Variants in PTPRK observed in about 807,000 individuals in gnomAD.
PTPRK encodes the protein protein tyrosine phosphatase receptor type K, also known as receptor-type tyrosine-protein phosphatase kappa.
Under a neutral mutation model 178.0 loss-of-function variants are expected in PTPRK, and 75 were observed. That is an observed-to-expected ratio of 0.42 (90% CI 0.35 to 0.51). The LOEUF (loss-of-function observed/expected upper bound fraction) is 0.51. Ranked by LOEUF, PTPRK falls within the 20% of genes least tolerant of loss-of-function variation. The probability of loss-of-function intolerance (pLI) is 0.02; values close to 1 mark genes in which losing one functional copy is unlikely to be tolerated. For missense variants in PTPRK, 1,441 were observed against 1,797.8 expected, an observed-to-expected ratio of 0.80 and a Z score of 3.59; for synonymous variants, 637 against 620.6, an observed-to-expected ratio of 1.03 and a Z score of -0.39.
chr6:128,027,923 G>A (rs1774608454), intron 13 of PTPRK: 1 of 152,082 alleles, frequency 6.6e-6, no homozygotes, highest in African/African-American at 2.4e-5. Context: ...GACACTGACA[G>A]GTTGGTATCA....
At chr6:128,008,747 T>C (rs768325144) in intron 14 of PTPRK, among the ~76,000 whole-genome samples, 2 of 151,024 alleles carry the variant, frequency 1.3e-5, no homozygotes, top group Admixed American at 6.6e-5. Context: ...AGTAGAAAAA[T>C]ACAGAAAAAG....
At chr6:128,184,360 A>G in intron 7 of PTPRK, 72 bp downstream of exon 7, 1 of 1,428,278 alleles carries the variant, frequency 7.0e-7, no homozygotes, top group Admixed American at 2.0e-5. Context: ...AGAACCTTCA[A>G]CACTGCATGT....
At chr6:128,116,786 A>G (rs752340517) in intron 7 of PTPRK, among the ~76,000 whole-genome samples, 3 of 152,362 alleles carry the variant, frequency 2.0e-5, no homozygotes, top group Admixed American at 1.3e-4. Context: ...TCTTGTGTTG[A>G]GCAATCATTT....
chr6:128,450,898 G>A (rs1847707127), intron 1 of PTPRK, among the ~76,000 whole-genome samples: 1 of 152,158 alleles, frequency 6.6e-6, no homozygotes, highest in Non-Finnish European at 1.5e-5. Flanking sequence ...AAGCACTTAT[G>A]AGACTGAGAT....
chr6:128,502,545 C>T (rs1855711709), intron 1 of PTPRK, among the ~76,000 whole-genome samples: 1 of 152,110 alleles, frequency 6.6e-6, no homozygotes, highest in Non-Finnish European at 1.5e-5. Context: ...TTCCTCACAC[C>T]CATATGCCAA....
chr6:128,125,961 G>A (rs1038351371), intron 7 of PTPRK, among the ~76,000 whole-genome samples: 8 of 151,778 alleles, frequency 5.3e-5, no homozygotes, highest in African/African-American at 1.2e-4. Flanking sequence ...AATATTTAGC[G>A]TTTTCAGACT....
chr6:128,128,316 T>C (rs1793693699), intron 7 of PTPRK, among the ~76,000 whole-genome samples: 1 of 152,160 alleles, frequency 6.6e-6, no homozygotes, highest in African/African-American at 2.4e-5. Flanking sequence ...CTTTCCATCT[T>C]CTTTAGAATC....
chr6:128,107,725 T>C (rs904636279), intron 7 of PTPRK, among the ~76,000 whole-genome samples: 3 of 152,196 alleles, frequency 2.0e-5, no homozygotes, highest in Non-Finnish European at 4.4e-5. Flanking sequence ...TAAATCATAA[T>C]ACTTGTAACA....
At chr6:128,200,812 G>GAGAAGA (rs202144769) in intron 6 of PTPRK, among the ~76,000 whole-genome samples, 6 of 141,138 alleles carry the variant, frequency 4.3e-5, no homozygotes, top group African/African-American at 1.1e-4. Context: ...GAAAGAGAGA[G>GAGAAGA]AGAAGAAGAA....
At chr6:128,131,420 T>C (rs1207623475) in intron 7 of PTPRK, among the ~76,000 whole-genome samples, 1 of 152,160 alleles carries the variant, frequency 6.6e-6, no homozygotes, top group Non-Finnish European at 1.5e-5. Flanking sequence ...ATGAATGCTC[T>C]AGTCTGCATC....
intron 5 of PTPRK, among the ~76,000 whole-genome samples, chr6:128,238,492 TA>T (rs1813766838): frequency 6.6e-6 from 1 of 152,018 alleles, no homozygotes; most frequent in Non-Finnish European, 1.5e-5. Flanking sequence ...TCCTGAGGCA[TA>T]AAACCAAGGG....
At chr6:128,518,979 CG>C (rs138959879) in intron 1 of PTPRK, 6,511 of 493,300 alleles carry the variant, frequency 0.013, 87 homozygotes, top group Non-Finnish European at 0.018. Context: ...TCCACAACAA[CG>C]TGAGAAACTG....
At chr6:128,008,660 T>C (rs1021264374) in intron 14 of PTPRK, among the ~76,000 whole-genome samples, 2 of 151,116 alleles carry the variant, frequency 1.3e-5, no homozygotes, top group African/African-American at 4.8e-5. Flanking sequence ...GGCTAAAATT[T>C]TTAGTCAATG....
At chr6:128,110,541 A>G (rs1284869819) in intron 7 of PTPRK, among the ~76,000 whole-genome samples, 3 of 152,108 alleles carry the variant, frequency 2.0e-5, no homozygotes, top group African/African-American at 7.2e-5. Flanking sequence ...AGCTAGGACT[A>G]CATATGCAGG....
chr6:128,089,914 C>A lies in PTPRK; in HGVS notation c.1241G>T (p.Gly414Val), dbSNP rs753765707. ...AGTGTGGCAACGCGTAATGTTGTAA[C>A]CCAAGGATTCCCAGTCCACAGCAAT... ...RRIAVDWESL[G>V]YNITRCHTFN... The change falls in exon 8 of 30, where the codon GGT becomes GTT. Residue 414 changes from glycine (G) to valine (V), a missense_variant. Gly to Val is a moderately radical substitution (Grantham distance 109). Transcript: ENST00000368226. 6.2e-7 allele frequency: 1 copy of A among 1,611,932 alleles called. No individual in the cohort carries two copies. The highest frequency in any genetic ancestry group is 8.5e-7 in the Non-Finnish European group (1 of 1,178,012).
At position 128,468,431 on chromosome 6, in the gene PTPRK, GACAATACAAT is replaced by G. The variant is rs71543137; in HGVS notation, c.100+51818_100+51827del. 4.1e-3 allele frequency among the ~76,000 whole-genome samples: 627 copies of G among 151,792 alleles called. 3 individuals are homozygous for G. Among genetic ancestry groups the G allele is most frequent in the African/African-American group, 0.014 (561 of 41,282 alleles). ...TATTAGGGCCTTCATTTAAGAGCCT[GACAATACAAT>G]ACAATACAATACAATACAATAACAT... is the stretch of plus-strand genomic sequence containing the variant. On this transcript the variant is annotated intron_variant, in intron 1 of 29. Transcript: ENST00000368226.
chr6:128,221,164 T>G (rs987238783), intron 5 of PTPRK, among the ~76,000 whole-genome samples: 29 of 152,238 alleles, frequency 1.9e-4, no homozygotes, highest in Non-Finnish European at 4.4e-5. Flanking sequence ...TTTCTATGAT[T>G]TTTTGTACAT....
At chr6:128,344,876 T>A (rs1832199580) in intron 2 of PTPRK, among the ~76,000 whole-genome samples, 1 of 151,976 alleles carries the variant, frequency 6.6e-6, no homozygotes, top group East Asian at 1.9e-4. Context: ...GGTACCTCTG[T>A]AGACAGAAGA....
At chr6:128,492,000 C>T (rs1853867399) in intron 1 of PTPRK, 2 of 370,946 alleles carry the variant, frequency 5.4e-6, no homozygotes, top group South Asian at 4.0e-5. Flanking sequence ...AAGTCTGATC[C>T]TATCACTCCC....
Sources: gnomAD v4.1 joint callset for allele counts (sites outside exome capture counted in the v4.1 genomes callset) on GRCh38, gnomAD v4.1.1 for gene constraint, MANE v1.5 for transcripts, NCBI Gene and HGNC (gene_info 2026-07-23, HGNC 2026-07-21) for gene names.